Variants in NLGN1 observed in about 807,000 individuals in gnomAD.
NLGN1 encodes neuroligin 1.
Under a neutral mutation model 65.5 loss-of-function variants are expected in NLGN1, and 12 were observed. The observed-to-expected ratio is 0.18, with a 90% CI of 0.12 to 0.30. The LOEUF is 0.30. Ranked by LOEUF, NLGN1 falls within the 10% of genes least tolerant of loss-of-function variation. The pLI is 1.00. For synonymous variants in NLGN1, 350 were observed against 359.5 expected (o/e 0.97, Z 0.30); for missense variants, 750 against 1,007.1 (o/e 0.74, Z 3.46).
chr3:174,065,300 A>G (rs1329107234), intron 4 of NLGN1, among the ~76,000 whole-genome samples: 2 of 152,002 alleles, frequency 1.3e-5, no homozygotes, highest in Non-Finnish European at 2.9e-5. Context: ...TCTGTGAGAG[A>G]GGGAAACAGA....
intron 3 of NLGN1, 125 bp from the exon 3 acceptor site, chr3:173,605,409 A>G: frequency 2.2e-6 from 1 of 454,094 alleles, no homozygotes; most frequent in Non-Finnish European, 3.9e-6. Context: ...TGCAGGCTCA[A>G]CGAATTGGGG....
intron 4 of NLGN1, among the ~76,000 whole-genome samples, chr3:173,967,745 G>A (rs1445349140): frequency 6.6e-6 from 1 of 152,056 alleles, no homozygotes; most frequent in Admixed American, 6.6e-5. Flanking sequence ...TCAGTTCAAT[G>A]AGCCTTTACT....
intron 4 of NLGN1, among the ~76,000 whole-genome samples, chr3:173,976,934 A>G (rs1717601333): frequency 6.6e-6 from 1 of 152,098 alleles, no homozygotes; most frequent in Non-Finnish European, 1.5e-5. Context: ...CACTACAGAA[A>G]AAAATGGACT....
chr3:173,489,954 T>G (rs997482651), intron 2 of NLGN1, among the ~76,000 whole-genome samples: 6 of 152,224 alleles, frequency 3.9e-5, no homozygotes, highest in Admixed American at 1.3e-4. Flanking sequence ...CTTGTAAATT[T>G]GTTTGTGTTG....
At chr3:174,126,979 ATAGT>A (rs1450026090) in intron 4 of NLGN1, among the ~76,000 whole-genome samples, 7 of 152,104 alleles carry the variant, frequency 4.6e-5, no homozygotes, top group African/African-American at 1.7e-4. Context: ...GGTAAGATAG[ATAGT>A]TAGATACAGT....
At chr3:173,485,389 C>T (rs2148985471) in intron 2 of NLGN1, among the ~76,000 whole-genome samples, 1 of 152,120 alleles carries the variant, frequency 6.6e-6, no homozygotes, top group East Asian at 1.9e-4. Context: ...AATTAATAAT[C>T]CTCTTTTCCC....
At chr3:173,453,544 C>G (rs1475675251) in intron 2 of NLGN1, among the ~76,000 whole-genome samples, 1 of 152,104 alleles carries the variant, frequency 6.6e-6, no homozygotes, top group African/African-American at 2.4e-5. Flanking sequence ...TATGCCACTG[C>G]TTTTATGTAT....
chr3:173,733,391 A>G (rs1202384357), intron 3 of NLGN1, among the ~76,000 whole-genome samples: 1 of 152,020 alleles, frequency 6.6e-6, no homozygotes, highest in Non-Finnish European at 1.5e-5. Context: ...TGATAAGCTT[A>G]ATGCCTTTTC....
At chr3:174,147,106 C>T (rs887030312) in intron 4 of NLGN1, among the ~76,000 whole-genome samples, 2 of 152,132 alleles carry the variant, frequency 1.3e-5, no homozygotes, top group Admixed American at 6.5e-5. Context: ...TGGCCTCCCC[C>T]GTCATCCCCA....
intron 4 of NLGN1, among the ~76,000 whole-genome samples, chr3:174,208,259 G>C (rs916576592): frequency 2.6e-5 from 4 of 152,198 alleles, no homozygotes; most frequent in Middle Eastern, 3.2e-3. Flanking sequence ...GGTTGAATTA[G>C]ATTAGGTCAA....
intron 4 of NLGN1, among the ~76,000 whole-genome samples, chr3:174,189,030 T>C (rs777170264): frequency 4.6e-5 from 7 of 152,026 alleles, no homozygotes; most frequent in Non-Finnish European, 8.8e-5. Flanking sequence ...TATAATTTCC[T>C]CTTTTCACAA....
At chr3:173,453,481 G>A (rs13099593) in intron 2 of NLGN1, among the ~76,000 whole-genome samples, 73,021 of 151,828 alleles carry the variant, frequency 0.48, 19,962 homozygotes, top group East Asian at 0.84. Context: ...CAGTTTGATG[G>A]GATTTTACCC....
chr3:173,749,736 A>ATT (rs776152845), intron 3 of NLGN1, among the ~76,000 whole-genome samples: 41 of 152,236 alleles, frequency 2.7e-4, no homozygotes, highest in Non-Finnish European at 1.9e-4. Flanking sequence ...AACAAAAATT[A>ATT]TTATAACCTA....
rs150037895 is a variant in NLGN1 at position 174,268,392 on chromosome 3, C to T, written c.647-6923C>T. Among the ~76,000 whole-genome samples, 12 of 152,118 alleles carry T rather than the reference C, an allele frequency of 7.9e-5. No homozygotes were observed. In the East Asian group the frequency reaches 1.9e-3, roughly 25 times the overall value. On this transcript the variant is annotated intron_variant, in intron 4 of 6. Transcript: ENST00000457714. ...TTTCTTAAGATGCAGGCCCAGAAAA[C>T]GCTAACAGCCTTAAATTGTGGTGAA... is the stretch of plus-strand genomic sequence containing the variant.
At chr3:174,152,850 A>G (rs1295572366) in intron 4 of NLGN1, among the ~76,000 whole-genome samples, 2 of 152,140 alleles carry the variant, frequency 1.3e-5, no homozygotes, top group Admixed American at 6.6e-5. Flanking sequence ...AACCATCCAC[A>G]TCTGTCATCT....
At chr3:174,156,557 T>G (rs182692710) in intron 4 of NLGN1, among the ~76,000 whole-genome samples, 1,809 of 151,966 alleles carry the variant, frequency 0.012, 15 homozygotes, top group Middle Eastern at 0.027. Flanking sequence ...TTAATAGATT[T>G]GAGAGTAAGA....
At chr3:173,637,595 C>T (rs1426423487) in intron 3 of NLGN1, among the ~76,000 whole-genome samples, 4 of 152,122 alleles carry the variant, frequency 2.6e-5, no homozygotes, top group Non-Finnish European at 5.9e-5. Flanking sequence ...CTCTTAATTG[C>T]TTCCACAGGC....
At position 174,247,234 on chromosome 3, in the gene NLGN1, A is replaced by G. The variant is rs142027596; in HGVS notation, c.647-28081A>G. On this transcript the variant is annotated intron_variant, in intron 4 of 6. Coordinates refer to ENST00000457714, the Ensembl canonical transcript of NLGN1. ...CCTCAGTTTTGACAGAACTGTGTCC[A>G]TTTTCAGTTGAAGTCAATGTACAGT... is the stretch of plus-strand genomic sequence containing the variant. 2.7e-3 allele frequency among the ~76,000 whole-genome samples: 414 copies of G among 152,262 alleles called. 3 individuals are homozygous for G. The highest frequency in any genetic ancestry group is 3.8e-3 in the Non-Finnish European group (258 of 68,018).
chr3:173,836,794 G>A (rs1026304154), intron 4 of NLGN1, among the ~76,000 whole-genome samples: 1 of 152,058 alleles, frequency 6.6e-6, no homozygotes, highest in Non-Finnish European at 1.5e-5. Flanking sequence ...TCTTATCAGT[G>A]GAATCAAAAG....
Sources: allele counts gnomAD v4.1 joint callset (sites outside exome capture counted in the v4.1 genomes callset), GRCh38; gene constraint gnomAD v4.1.1; transcripts MANE v1.5; gene names NCBI Gene and HGNC (gene_info 2026-07-23, HGNC 2026-07-21).